CFAP54: variants seen among roughly 807,000 people sequenced by gnomAD.
CFAP54 encodes the protein cilia and flagella associated protein 54.
In CFAP54, 290 loss-of-function variants were observed where a neutral mutation model predicts 370.4. The observed-to-expected ratio is 0.78, with a 90% CI of 0.71 to 0.86. The LOEUF (loss-of-function observed/expected upper bound fraction) is 0.86, where lower values mean the gene tolerates loss of function less well. Among genes scored for constraint, CFAP54 ranks in the 40% least tolerant of loss-of-function variants. CFAP54 has a pLI of 0.00. For synonymous variants in CFAP54, 1,206 were observed against 1,236.5 expected (o/e 0.98, Z 0.52); for missense variants, 3,399 against 3,528.7 (o/e 0.96, Z 0.93).
chr12:96,525,180 A>G (rs929990342), intron 8 of CFAP54, among the ~76,000 whole-genome samples: 4 of 151,084 alleles, frequency 2.6e-5, no homozygotes, highest in African/African-American at 9.7e-5. Flanking sequence ...TTGTTAATTC[A>G]GTTTTCATAA....
intron 26 of CFAP54, among the ~76,000 whole-genome samples, chr12:96,601,035 G>C (rs1277585292): frequency 6.6e-6 from 1 of 152,158 alleles, no homozygotes; most frequent in Non-Finnish European, 1.5e-5. Flanking sequence ...CTTGTCTTGT[G>C]CTGCTTTTCA....
intron 66 of CFAP54, among the ~76,000 whole-genome samples, chr12:96,839,676 G>A (rs530494488): frequency 6.6e-6 from 1 of 152,348 alleles, no homozygotes; most frequent in Non-Finnish European, 1.5e-5. Flanking sequence ...AGTTATTTCT[G>A]CTCCAAGATA....
chr12:96,622,763 A>C (rs1231015563), intron 27 of CFAP54, among the ~76,000 whole-genome samples: 1 of 152,172 alleles, frequency 6.6e-6, no homozygotes, highest in South Asian at 2.1e-4. Context: ...CTCCATTTCT[A>C]TCTCTGTGAT....
Position 96,868,656 on chromosome 12 carries a change from A to G in CFAP54, c.*15-6462A>G, listed in dbSNP as rs1960071636. On this transcript the variant is annotated intron_variant, in intron 67 of 67. Transcript: ENST00000524981. ...AAGGTAGCTTATAAGTATGCATTCA[A>G]AATAATGGTAAGATTAATTAAAACC... Among the ~76,000 whole-genome samples the G allele has an allele frequency of 2.6e-5, 4 of 152,168 alleles. No individual in the cohort carries two copies. In the South Asian group the frequency reaches 8.3e-4, roughly 31 times the overall value.
At chr12:96,818,541 T>G (rs1348041007) in intron 65 of CFAP54, among the ~76,000 whole-genome samples, 1 of 152,200 alleles carries the variant, frequency 6.6e-6, no homozygotes, top group Non-Finnish European at 1.5e-5. Flanking sequence ...TTAGTGAACT[T>G]GGCTTTAGAT....
intron 30 of CFAP54, 26 bp downstream of exon 30, chr12:96,626,965 A>G (rs1956555694): frequency 1.6e-6 from 2 of 1,277,406 alleles, no homozygotes; most frequent in South Asian, 5.6e-5. Context: ...AGTGTTATAC[A>G]TGTTAACAAC....
chr12:96,788,673 T>A lies in CFAP54; in HGVS notation c.8679+1775T>A, dbSNP rs192370837. ...TAGATTAAATTATACATTTTTTTTT[T>A]TAAAAATCACTCTTTTGAACATTCC... On this transcript the variant is annotated intron_variant, in intron 62 of 67. Coordinates refer to ENST00000524981, the MANE Select transcript of CFAP54 (RefSeq NM_001306084.2). Among the ~76,000 whole-genome samples, 1,125 of 149,412 alleles carry A rather than the reference T, an allele frequency of 7.5e-3. 6 individuals carry two copies. The highest frequency in any genetic ancestry group is 0.02 in the Middle Eastern group (6 of 294).
intron 1 of CFAP54, 71 bp downstream of exon 1, chr12:96,489,997 A>G (rs1954860639): frequency 2.2e-6 from 3 of 1,379,690 alleles, no homozygotes; most frequent in South Asian, 2.9e-5. Context: ...TGGAGGATGC[A>G]GGTGGTGGCC....
Position 96,516,116 on chromosome 12 carries a change from C to T in CFAP54, c.799-2812C>T, listed in dbSNP as rs569967952. Among the ~76,000 whole-genome samples the T allele has an allele frequency of 3.4e-3, 496 of 144,832 alleles. 4 individuals carry two copies. The highest frequency in any genetic ancestry group is 0.012 in the African/African-American group (468 of 38,510). ...ATTTTTAGTAGAGACAGGGTTTCACCTTGTTAGCCAGGATGGTCTTGATCT... is the reference window on the plus strand; with the variant it reads ...ATTTTTAGTAGAGACAGGGTTTCACTTTGTTAGCCAGGATGGTCTTGATCT... On this transcript the variant is annotated intron_variant, in intron 5 of 67. Transcript: ENST00000524981.
chr12:96,676,404 T>C (rs1957209346), intron 39 of CFAP54, among the ~76,000 whole-genome samples: 1 of 152,200 alleles, frequency 6.6e-6, no homozygotes, highest in Non-Finnish European at 1.5e-5. Flanking sequence ...CTTGCTGTTA[T>C]GGGCTGAATA....
chr12:96,518,976 C>A lies in CFAP54; in HGVS notation c.847C>A (p.Pro283Thr). The stretch of plus-strand genomic sequence containing the variant: ...CAGCATGTGTATGGAGTCCTTGGTC[C>A]CGCTCCTGTCACTCAGGTACTTGAC... ...WASMCMESLVPLLSLRYLTWR... is the reference protein window; with the variant it reads ...WASMCMESLVTLLSLRYLTWR... The change falls in exon 6 of 68, where the codon CCG becomes ACG. Residue 283 changes from proline to threonine, a missense_variant. Pro to Thr is a conservative substitution (Grantham distance 38). This residue lies in a region of CFAP54 where 559 missense variants were observed against 576.7 expected (regional missense o/e 0.97). Transcript: ENST00000524981. The A allele has an allele frequency of 6.5e-7, 1 of 1,536,010 alleles. No individual in the cohort carries two copies.
intron 55 of CFAP54, among the ~76,000 whole-genome samples, chr12:96,749,825 G>C (rs1427327088): frequency 6.6e-6 from 1 of 152,098 alleles, no homozygotes; most frequent in Non-Finnish European, 1.5e-5. Context: ...CTTGTCAGCT[G>C]CTGGATCTTT....
intron 19 of CFAP54, among the ~76,000 whole-genome samples, chr12:96,570,619 A>T (rs1014858996): frequency 6.6e-6 from 1 of 152,170 alleles, no homozygotes; most frequent in Admixed American, 6.5e-5. Flanking sequence ...CAAGTTATTT[A>T]TGCTCTCTTA....
chr12:96,836,935 C>G (rs1357579063), intron 66 of CFAP54, among the ~76,000 whole-genome samples: 1 of 152,138 alleles, frequency 6.6e-6, no homozygotes, highest in Non-Finnish European at 1.5e-5. Flanking sequence ...TCAAGCAATT[C>G]TCCTGCCTCA....
At chr12:96,523,224 G>A (rs1477772470) in intron 8 of CFAP54, among the ~76,000 whole-genome samples, 1 of 152,118 alleles carries the variant, frequency 6.6e-6, no homozygotes, top group Non-Finnish European at 1.5e-5. Context: ...AAGGATTTGG[G>A]AAACCATCTG....
At chr12:96,508,135 T>G in intron 4 of CFAP54, among the ~76,000 whole-genome samples, 1 of 148,698 alleles carries the variant, frequency 6.7e-6, no homozygotes. Context: ...TCTTTTTTTT[T>G]TTTTTTTTTT....
intron 32 of CFAP54, among the ~76,000 whole-genome samples, chr12:96,640,755 C>T (rs1956717391): frequency 6.6e-6 from 1 of 152,084 alleles, no homozygotes; most frequent in Non-Finnish European, 1.5e-5. Context: ...AGAACAGATC[C>T]CCCAGAAATA....
chr12:96,778,535 T>C (rs1240861488), intron 60 of CFAP54, among the ~76,000 whole-genome samples: 1 of 152,222 alleles, frequency 6.6e-6, no homozygotes, highest in Non-Finnish European at 1.5e-5. Flanking sequence ...TACATCTTAG[T>C]AGCATCACCT....
intron 25 of CFAP54, among the ~76,000 whole-genome samples, chr12:96,597,977 A>G (rs972257115): frequency 6.6e-6 from 1 of 151,930 alleles, no homozygotes; most frequent in Admixed American, 6.6e-5. Flanking sequence ...CAATAGTAAC[A>G]GTATTGTTAG....
Sources: gnomAD v4.1 joint callset for allele counts (sites outside exome capture counted in the v4.1 genomes callset) on GRCh38, gnomAD v4.1.1 for gene constraint, gnomAD v4.1.1 regional missense constraint, MANE v1.5 for transcripts, NCBI Gene and HGNC (gene_info 2026-07-23, HGNC 2026-07-21) for gene names.